TMEM163: variants seen among roughly 807,000 people sequenced by gnomAD.
TMEM163 encodes the protein transmembrane protein 163.
Under a neutral mutation model 29.3 loss-of-function variants are expected in TMEM163, and 17 were observed. The ratio of observed to expected loss-of-function variants is 0.58; its 90% CI spans 0.40 to 0.87. The LOEUF (loss-of-function observed/expected upper bound fraction) is 0.87, where lower values mean the gene tolerates loss of function less well. Among genes scored for constraint, TMEM163 ranks in the 40% least tolerant of loss-of-function variants. The probability of loss-of-function intolerance (pLI) is 0.00; values close to 1 mark genes in which losing one functional copy is unlikely to be tolerated. For missense variants in TMEM163, 303 were observed against 381.5 expected, an observed-to-expected ratio of 0.79 and a Z score of 1.71; for synonymous variants, 157 against 160.6, an observed-to-expected ratio of 0.98 and a Z score of 0.17.
intron 2 of TMEM163, among the ~76,000 whole-genome samples, chr2:134,667,472 C>T (rs907947143): frequency 2.0e-5 from 3 of 152,208 alleles, no homozygotes; most frequent in African/African-American, 7.2e-5. Context: ...AACCTCTTCT[C>T]TCCATGTTAA....
At chr2:134,556,021 T>C (rs921132206) in intron 2 of TMEM163, among the ~76,000 whole-genome samples, 1 of 152,244 alleles carries the variant, frequency 6.6e-6, no homozygotes, top group Non-Finnish European at 1.5e-5. Context: ...CTGAAAATAT[T>C]GGAACGGGGA....
intron 2 of TMEM163, among the ~76,000 whole-genome samples, chr2:134,703,791 G>A (rs1270576723): frequency 6.7e-6 from 1 of 149,122 alleles, no homozygotes; most frequent in Non-Finnish European, 1.5e-5. Context: ...GAGGGATGGA[G>A]AATGGGGGCT....
chr2:134,526,903 A>C (rs1399866008), intron 4 of TMEM163, among the ~76,000 whole-genome samples: 1 of 152,216 alleles, frequency 6.6e-6, no homozygotes, highest in African/African-American at 2.4e-5. Flanking sequence ...AAAACCTAAT[A>C]ATGAAAACTT....
Position 134,460,075 on chromosome 2 carries a change from A to C in TMEM163, c.668-1902T>G, listed in dbSNP as rs1229103895. The stretch of plus-strand genomic sequence containing the variant: ...CCCCTCGAGCCCCTTGCCAGATGTT[A>C]CCCCCCCCCAAATTCATTCTCACTC... On this transcript the variant is annotated intron_variant, in intron 6 of 7. Transcript: ENST00000281924. The surrounding 1 kb of genome is among the most constrained non-coding windows in gnomAD (Gnocchi z 4.3). 1.6e-3 allele frequency among the ~76,000 whole-genome samples: 189 copies of C among 120,026 alleles called. No homozygotes were observed. The highest frequency in any genetic ancestry group is 2.9e-3 in the Admixed American group (35 of 12,068). 78.7% of individuals were successfully genotyped at this position (120,026 alleles called of 152,430 possible).
At chr2:134,684,065 T>A (rs928106380) in intron 2 of TMEM163, among the ~76,000 whole-genome samples, 1 of 152,138 alleles carries the variant, frequency 6.6e-6, no homozygotes, top group Non-Finnish European at 1.5e-5. Context: ...TTAGGACCAA[T>A]ACTCACCATG....
chr2:134,703,927 C>T (rs1259303993), intron 2 of TMEM163, among the ~76,000 whole-genome samples: 1 of 150,936 alleles, frequency 6.6e-6, no homozygotes, highest in Admixed American at 6.6e-5. Context: ...TATTTGATTC[C>T]TTTTTTATTT....
intron 2 of TMEM163, among the ~76,000 whole-genome samples, chr2:134,672,393 T>A (rs1319722909): frequency 6.6e-6 from 1 of 152,114 alleles, no homozygotes; most frequent in Non-Finnish European, 1.5e-5. Flanking sequence ...GAGGGAAAAT[T>A]GGAGGCAGAC....
In TMEM163 at chr2:134,648,462, G is replaced by T. The variant is rs186077922; in HGVS notation, c.322+64738C>A. On this transcript the variant is annotated intron_variant, in intron 2 of 7. Coordinates refer to ENST00000281924, the MANE Select transcript of TMEM163 (RefSeq NM_030923.5). Reference sequence around the variant, plus strand: ...GAAAACAGGAATGCATGCTCTCACAGTGGGCCACAGTTCCAGGCTTGAGGG... The same window carrying T: ...GAAAACAGGAATGCATGCTCTCACATTGGGCCACAGTTCCAGGCTTGAGGG... Among the ~76,000 whole-genome samples, 250 of 152,210 alleles carry T rather than the reference G, an allele frequency of 1.6e-3. 1 individual carries two copies. The highest frequency in any genetic ancestry group is 5.6e-3 in the African/African-American group (234 of 41,528).
At chr2:134,536,468 G>A (rs555568214) in intron 4 of TMEM163, among the ~76,000 whole-genome samples, 3 of 152,120 alleles carry the variant, frequency 2.0e-5, no homozygotes, top group African/African-American at 4.8e-5. Flanking sequence ...AGCAGGACGT[G>A]TGCTGCTGCC....
At chr2:134,673,102 T>G (rs1273905243) in intron 2 of TMEM163, among the ~76,000 whole-genome samples, 1 of 152,192 alleles carries the variant, frequency 6.6e-6, no homozygotes, top group African/African-American at 2.4e-5. Flanking sequence ...AATATCATCA[T>G]GGACCCTCTC....
At chr2:134,641,711 G>C (rs916102154) in intron 2 of TMEM163, among the ~76,000 whole-genome samples, 1 of 151,888 alleles carries the variant, frequency 6.6e-6, no homozygotes, top group Non-Finnish European at 1.5e-5. Context: ...ATAATTAAAT[G>C]GTATATCTAA....
In TMEM163 at chr2:134,541,339, A is replaced by G. The variant is rs192583654; in HGVS notation, c.458+9231T>C. 7.9e-5 allele frequency among the ~76,000 whole-genome samples: 12 copies of G among 152,392 alleles called. No individual in the cohort carries two copies. In the East Asian group the frequency reaches 2.1e-3, roughly 27 times the overall value. On this transcript the variant is annotated intron_variant, in intron 4 of 7. Coordinates refer to ENST00000281924, the MANE Select transcript of TMEM163 (RefSeq NM_030923.5). ...GCTGATAAAAAGAATTATAACTCTT[A>G]GTGCTGGCAAAGGAGAATAAACATT...
At chr2:134,605,633 C>T (rs1682336857) in intron 2 of TMEM163, among the ~76,000 whole-genome samples, 1 of 151,284 alleles carries the variant, frequency 6.6e-6, no homozygotes, top group Non-Finnish European at 1.5e-5. Context: ...GGGAGGTGAG[C>T]TGAGATCGCG....
intron 2 of TMEM163, among the ~76,000 whole-genome samples, chr2:134,629,270 A>G (rs1682918921): frequency 6.6e-6 from 1 of 152,218 alleles, no homozygotes; most frequent in South Asian, 2.1e-4. Context: ...GCAATGCACT[A>G]TGCTGCCTCT....
intron 2 of TMEM163, among the ~76,000 whole-genome samples, chr2:134,554,418 A>G: frequency 8.2e-6 from 1 of 121,576 alleles, no homozygotes; most frequent in Non-Finnish European, 1.7e-5. Flanking sequence ...GCGAGACCCC[A>G]TCTCAAAAAA....
intron 3 of TMEM163, among the ~76,000 whole-genome samples, chr2:134,551,469 T>A (rs968255576): frequency 3.4e-4 from 52 of 151,956 alleles, no homozygotes; most frequent in African/African-American, 1.2e-3. Flanking sequence ...TGAGAAGAGC[T>A]CTCTTTATGG....
intron 2 of TMEM163, among the ~76,000 whole-genome samples, chr2:134,558,657 C>T (rs1681099450): frequency 6.6e-6 from 1 of 152,158 alleles, no homozygotes; most frequent in African/African-American, 2.4e-5. Flanking sequence ...GGTAAGGATG[C>T]CAGCAAGGCA....
intron 2 of TMEM163, among the ~76,000 whole-genome samples, chr2:134,584,776 T>A (rs1304949267): frequency 1.3e-5 from 2 of 152,172 alleles, no homozygotes; most frequent in African/African-American, 4.8e-5. Flanking sequence ...TCAAATTATC[T>A]ATAATGTGAA....
At chr2:134,712,795 T>C (rs752271955) in intron 2 of TMEM163, among the ~76,000 whole-genome samples, 52 of 152,152 alleles carry the variant, frequency 3.4e-4, no homozygotes, top group Admixed American at 6.5e-5. Context: ...ACAGATATGA[T>C]CAGGGAAAAG....
Sources: gnomAD v4.1 joint callset for allele counts (sites outside exome capture counted in the v4.1 genomes callset) on GRCh38, gnomAD v4.1.1 for gene constraint, Gnocchi (gnomAD v3.1) non-coding constraint, MANE v1.5 for transcripts, NCBI Gene and HGNC (gene_info 2026-07-23, HGNC 2026-07-21) for gene names.